Variants in CSGALNACT1 observed in about 807,000 individuals in gnomAD.
CSGALNACT1 encodes the protein beta4GalNAcT-1.
A neutral mutation model predicts 51.0 loss-of-function variants in CSGALNACT1; 52 were observed. The ratio of observed to expected loss-of-function variants is 1.02; its 90% CI spans 0.82 to 1.29. The LOEUF (loss-of-function observed/expected upper bound fraction) is 1.29, where lower values mean the gene tolerates loss of function less well. Among genes scored for constraint, CSGALNACT1 ranks in the 50% most tolerant of loss-of-function variants. The pLI is 0.00. For missense variants in CSGALNACT1, 935 were observed against 679.2 expected (o/e 1.38, Z -4.19); for synonymous variants, 341 against 254.4 (o/e 1.34, Z -3.24).
At chr8:19,584,915 C>T (rs909893246) in intron 3 of CSGALNACT1, among the ~76,000 whole-genome samples, 1 of 152,130 alleles carries the variant, frequency 6.6e-6, no homozygotes. Flanking sequence ...CCGTAGACAG[C>T]AGGATGGGGC....
intron 1 of CSGALNACT1, among the ~76,000 whole-genome samples, chr8:19,755,456 C>CAAAAAAAAAAAAAAAAAGAAAAAAAAA (rs2065301903): frequency 1.3e-5 from 1 of 74,532 alleles, no homozygotes; most frequent in Non-Finnish European, 2.5e-5. Flanking sequence ...TAAAGAAAGA[C>CAAAAAAAAAAAAAAAAAGAAAAAAAAA]AAAAAAAAAA....
At chr8:19,738,144 T>C (rs1243066937) in intron 1 of CSGALNACT1, among the ~76,000 whole-genome samples, 1 of 152,204 alleles carries the variant, frequency 6.6e-6, no homozygotes, top group Non-Finnish European at 1.5e-5. Flanking sequence ...AGAGGATCAC[T>C]TGAGCCCAAG....
chr8:19,645,026 T>C (rs541798271), intron 1 of CSGALNACT1, among the ~76,000 whole-genome samples: 6 of 152,296 alleles, frequency 3.9e-5, no homozygotes, highest in South Asian at 2.1e-4. Flanking sequence ...AAAGGATCTA[T>C]GTAAAAGTCT....
At chr8:19,666,556 G>A (rs1385882183) in intron 1 of CSGALNACT1, among the ~76,000 whole-genome samples, 1 of 151,584 alleles carries the variant, frequency 6.6e-6, no homozygotes, top group Non-Finnish European at 1.5e-5. Flanking sequence ...TTAGCCAGGT[G>A]TGGTGGTGAG....
chr8:19,690,053 A>G (rs1280356046), intron 1 of CSGALNACT1, among the ~76,000 whole-genome samples: 23 of 152,342 alleles, frequency 1.5e-4, no homozygotes, highest in African/African-American at 5.5e-4. Flanking sequence ...TTGAATTTTA[A>G]CAGGACTCAA....
At chr8:19,657,395 AG>A (rs1407227611) in intron 1 of CSGALNACT1, among the ~76,000 whole-genome samples, 1 of 152,256 alleles carries the variant, frequency 6.6e-6, no homozygotes, top group East Asian at 1.9e-4. Context: ...CAAGATGTGA[AG>A]AAATAATGGT....
At chr8:19,721,985 C>T (rs2063152997) in intron 1 of CSGALNACT1, among the ~76,000 whole-genome samples, 1 of 151,318 alleles carries the variant, frequency 6.6e-6, no homozygotes, top group South Asian at 2.1e-4. Context: ...GCTCCCAATA[C>T]CTAGTAAGTC....
chr8:19,648,386 C>G (rs987511481), intron 1 of CSGALNACT1, among the ~76,000 whole-genome samples: 34 of 152,206 alleles, frequency 2.2e-4, no homozygotes. Context: ...AAGAGCAATT[C>G]ATCAATATAT....
chr8:19,633,642 C>G (rs1452438819), intron 1 of CSGALNACT1, among the ~76,000 whole-genome samples: 3 of 152,156 alleles, frequency 2.0e-5, no homozygotes, highest in Non-Finnish European at 4.4e-5. Context: ...GAGTTTTCCC[C>G]TATGGGTTTT....
In CSGALNACT1 at chr8:19,635,544, C is replaced by T. The variant is rs114071036; in HGVS notation, c.-543-33679G>A. Reference sequence around the variant, plus strand: ...CTGTGTCCAACTTCCTTGTTGCCTCCCCCTTGTCTGTAGTCTCACCAGATA... The same window carrying T: ...CTGTGTCCAACTTCCTTGTTGCCTCTCCCTTGTCTGTAGTCTCACCAGATA... On this transcript the variant is annotated intron_variant, in intron 1 of 9. Transcript: ENST00000332246. Among the ~76,000 whole-genome samples, 1,454 of 152,258 alleles carry T rather than the reference C, an allele frequency of 9.5e-3. 20 individuals are homozygous for T. The highest frequency in any genetic ancestry group is 0.033 in the African/African-American group (1,366 of 41,546).
intron 1 of CSGALNACT1, among the ~76,000 whole-genome samples, chr8:19,650,216 A>C (rs1231785409): frequency 6.6e-6 from 1 of 152,228 alleles, no homozygotes; most frequent in East Asian, 1.9e-4. Flanking sequence ...ATAAAAGTAT[A>C]ATCTGATCAA....
At chr8:19,635,828 A>T (rs552726723) in intron 1 of CSGALNACT1, among the ~76,000 whole-genome samples, 1 of 152,226 alleles carries the variant, frequency 6.6e-6, no homozygotes, top group East Asian at 1.9e-4. Flanking sequence ...CCCGGGTTCA[A>T]GCAATTCTCC....
chr8:19,639,404 TA>T (rs2056483722), intron 1 of CSGALNACT1, among the ~76,000 whole-genome samples: 1 of 152,204 alleles, frequency 6.6e-6, no homozygotes, highest in Non-Finnish European at 1.5e-5. Context: ...GAATGGTTTT[TA>T]TTTTCTAATA....
At chr8:19,518,514 C>T (rs2079998153) in intron 3 of CSGALNACT1, among the ~76,000 whole-genome samples, 1 of 152,142 alleles carries the variant, frequency 6.6e-6, no homozygotes, top group Non-Finnish European at 1.5e-5. Flanking sequence ...ATCTGTGAGC[C>T]CTATGTAAAT....
intron 1 of CSGALNACT1, among the ~76,000 whole-genome samples, chr8:19,624,767 C>T (rs1408670160): frequency 1.3e-5 from 2 of 152,042 alleles, no homozygotes; most frequent in Non-Finnish European, 2.9e-5. Flanking sequence ...CAACTTCCGC[C>T]TCCCGGGTTC....
intron 4 of CSGALNACT1, among the ~76,000 whole-genome samples, chr8:19,468,918 A>G (rs1022256418): frequency 6.6e-5 from 10 of 152,176 alleles, no homozygotes; most frequent in African/African-American, 2.4e-4. Flanking sequence ...ATGCAGGCTC[A>G]GGATATGCCA....
At chr8:19,663,455 T>C (rs907664445) in intron 1 of CSGALNACT1, among the ~76,000 whole-genome samples, 1 of 152,212 alleles carries the variant, frequency 6.6e-6, no homozygotes, top group Non-Finnish European at 1.5e-5. Context: ...AAGCAGTCAA[T>C]GACTAACATC....
intron 2 of CSGALNACT1, among the ~76,000 whole-genome samples, chr8:19,596,478 T>C (rs144931276): frequency 1.5e-3 from 229 of 152,026 alleles, no homozygotes; most frequent in Non-Finnish European, 2.7e-3. Flanking sequence ...TTAAGTATCA[T>C]ACAAGTATTT....
intron 1 of CSGALNACT1, among the ~76,000 whole-genome samples, chr8:19,626,522 T>A (rs2154166412): frequency 6.6e-6 from 1 of 152,224 alleles, no homozygotes; most frequent in South Asian, 2.1e-4. Context: ...CCTTGTAACT[T>A]AGGGTTAGGC....
Sources: gnomAD v4.1 joint callset for allele counts (sites outside exome capture counted in the v4.1 genomes callset) on GRCh38, gnomAD v4.1.1 for gene constraint, MANE v1.5 for transcripts, NCBI Gene and HGNC (gene_info 2026-07-23, HGNC 2026-07-21) for gene names.